Variants in SWT1 observed in about 807,000 individuals in gnomAD.
SWT1 encodes SWT1 RNA endoribonuclease homolog, also known as transcriptional protein SWT1.
In SWT1, 33 loss-of-function variants were observed where a neutral mutation model predicts 107.3. The ratio of observed to expected loss-of-function variants is 0.31; its 90% confidence interval spans 0.23 to 0.41. SWT1 has a LOEUF of 0.41. SWT1 is among the 10% of genes least tolerant of loss of function. The pLI is 1.00. For missense variants in SWT1, 898 were observed against 1,028.9 expected, an observed-to-expected ratio of 0.87 and a Z score of 1.74; for synonymous variants, 345 against 348.3, an observed-to-expected ratio of 0.99 and a Z score of 0.11.
chr1:185,269,275 G>T (rs188046698), intron 16 of SWT1, among the ~76,000 whole-genome samples: 17 of 151,796 alleles, frequency 1.1e-4, no homozygotes, highest in Middle Eastern at 3.5e-3. Context: ...AATTATGTAT[G>T]GATCCTTCTC....
intron 15 of SWT1, among the ~76,000 whole-genome samples, chr1:185,226,534 G>A (rs909509777): frequency 6.6e-6 from 1 of 152,128 alleles, no homozygotes; most frequent in African/African-American, 2.4e-5. Context: ...CCAAATGTTT[G>A]AGACTAGCCT....
In SWT1 at chr1:185,275,777, G is replaced by C. The variant is rs1225304599; in HGVS notation, c.2509-827G>C. ...TATGAAAACATTGAAGAAAGTCATG[G>C]AATTTTTGCCAATAAGCAATACATT... On this transcript the variant is annotated intron_variant, in intron 17 of 18. Transcript: ENST00000367500. Among the ~76,000 whole-genome samples, 6 of 152,026 alleles carry C rather than the reference G, an allele frequency of 3.9e-5. No homozygotes were observed. In the South Asian group the frequency reaches 1.2e-3, roughly 32 times the overall value.
At chr1:185,281,533 C>T in intron 18 of SWT1, 2 of 233,266 alleles carry the variant, frequency 8.6e-6, no homozygotes, top group East Asian at 1.4e-4. Context: ...ATCAGATCAT[C>T]TGCCTGCTGT....
intron 1 of SWT1, among the ~76,000 whole-genome samples, chr1:185,159,303 G>A (rs1252687809): frequency 6.6e-6 from 1 of 152,156 alleles, no homozygotes; most frequent in African/African-American, 2.4e-5. Flanking sequence ...TTTATGTTTT[G>A]ATTTGCATAA....
chr1:185,187,293 C>T (rs1656570938), intron 9 of SWT1, among the ~76,000 whole-genome samples: 1 of 151,746 alleles, frequency 6.6e-6, no homozygotes, highest in Admixed American at 6.6e-5. Context: ...CTCCTGACCT[C>T]AGGTGATCCA....
At chr1:185,279,187 G>A (rs1258466178) in intron 18 of SWT1, among the ~76,000 whole-genome samples, 1 of 152,098 alleles carries the variant, frequency 6.6e-6, no homozygotes, top group African/African-American at 2.4e-5. Context: ...TTAAAATATT[G>A]TGTGAGATGT....
intron 16 of SWT1, among the ~76,000 whole-genome samples, chr1:185,260,271 G>A (rs1662929020): frequency 1.3e-5 from 2 of 152,112 alleles, no homozygotes; most frequent in Non-Finnish European, 2.9e-5. Flanking sequence ...GGTAGGTACA[G>A]GATGAGAGAA....
At chr1:185,207,731 C>T (rs977305686) in intron 13 of SWT1, among the ~76,000 whole-genome samples, 1 of 151,864 alleles carries the variant, frequency 6.6e-6, no homozygotes, top group Non-Finnish European at 1.5e-5. Flanking sequence ...GTAAAACTCC[C>T]TTTCTAAAAA....
chr1:185,242,673 A>G (rs1160574804), intron 16 of SWT1, among the ~76,000 whole-genome samples: 1 of 152,216 alleles, frequency 6.6e-6, no homozygotes, highest in African/African-American at 2.4e-5. Flanking sequence ...TAAATATAAT[A>G]TGAAGATTAC....
intron 13 of SWT1, among the ~76,000 whole-genome samples, chr1:185,210,592 A>G (rs182507500): frequency 1.4e-4 from 21 of 152,316 alleles, no homozygotes; most frequent in Admixed American, 1.2e-3. Context: ...CCAATATCAT[A>G]CTGAATGGGC....
At position 185,214,013 on chromosome 1, in the gene SWT1, A is replaced by G. The variant is rs139899966; in HGVS notation, c.1973-494A>G. 1.2e-3 allele frequency among the ~76,000 whole-genome samples: 189 copies of G among 152,312 alleles called. 1 individual carries two copies. The highest frequency in any genetic ancestry group is 4.3e-3 in the African/African-American group (178 of 41,582). On this transcript the variant is annotated intron_variant, in intron 13 of 18. Transcript: ENST00000367500. The stretch of plus-strand genomic sequence containing the variant: ...ATATAGAGATAACTCATAGTTTTCA[A>G]TAAACATAGTATTGAGTTTCATGCA...
chr1:185,261,287 T>A (rs562003873), intron 16 of SWT1, among the ~76,000 whole-genome samples: 4 of 152,302 alleles, frequency 2.6e-5, no homozygotes, highest in Non-Finnish European at 5.9e-5. Context: ...CTTATTACAC[T>A]TAGTGTAATG....
chr1:185,276,655 C>A lies in SWT1; in HGVS notation c.2560C>A (p.Gln854Lys). The change falls in exon 18 of 19, where the codon CAG becomes AAG. Residue 854 changes from glutamine to lysine, a missense_variant. Gln to Lys is a moderately conservative substitution (Grantham distance 53). This residue lies in a region of SWT1 where 382 missense variants were observed against 460.0 expected (regional missense o/e 0.83). Coordinates refer to ENST00000367500, the MANE Select transcript of SWT1 (RefSeq NM_017673.7). ...CCAGGAAATTTATGATTGTGTTTCT[C>A]AGACTGAGTATAGGTAAGTCATATC... ...TAQEIYDCVS[Q>K]TEYREKLTIG... is the part of the protein sequence containing the mutation. The A allele has an allele frequency of 6.3e-7, 1 of 1,581,400 alleles. No homozygotes were observed. The highest frequency in any genetic ancestry group is 1.1e-5 in the South Asian group (1 of 88,430).
chr1:185,205,252 A>G (rs1658241515), intron 12 of SWT1, among the ~76,000 whole-genome samples: 1 of 152,228 alleles, frequency 6.6e-6, no homozygotes, highest in Non-Finnish European at 1.5e-5. Flanking sequence ...ATGTAAATGT[A>G]AGAATCAGAG....
At chr1:185,192,721 A>G (rs924530712) in intron 10 of SWT1, among the ~76,000 whole-genome samples, 4 of 149,898 alleles carry the variant, frequency 2.7e-5, no homozygotes, top group African/African-American at 9.9e-5. Flanking sequence ...CATCTCGGCT[A>G]ACTGCAGTCT....
chr1:185,166,476 A>G, intron 2 of SWT1, 96 bp from the exon 3 acceptor site: 1 of 759,566 alleles, frequency 1.3e-6, no homozygotes. Context: ...TATTGAATGT[A>G]AATGTTGATT....
At chr1:185,206,591 T>C (rs1054777300) in intron 12 of SWT1, 34 bp from the exon 13 acceptor site, 1 of 1,328,942 alleles carries the variant, frequency 7.5e-7, no homozygotes, top group Non-Finnish European at 1.0e-6. Context: ...ATAATAAATC[T>C]AGAGATGTTA....
intron 2 of SWT1, among the ~76,000 whole-genome samples, chr1:185,161,955 G>A (rs1029102996): frequency 1.6e-4 from 24 of 152,130 alleles, no homozygotes; most frequent in African/African-American, 5.3e-4. Flanking sequence ...TTCTGTGGTG[G>A]CAGGTTAGTT....
At chr1:185,264,562 C>T (rs974838487) in intron 16 of SWT1, 20 of 529,382 alleles carry the variant, frequency 3.8e-5, no homozygotes, top group Non-Finnish European at 4.8e-5. Context: ...CTCATTTAAT[C>T]ATCTTAATAT....
Sources: allele counts gnomAD v4.1 joint callset (sites outside exome capture counted in the v4.1 genomes callset), GRCh38; gene constraint gnomAD v4.1.1; regional missense constraint gnomAD v4.1.1; transcripts MANE v1.5; gene names NCBI Gene and HGNC (gene_info 2026-07-23, HGNC 2026-07-21).